Variants in ZNF451 observed in about 807,000 individuals in gnomAD.
ZNF451 encodes the protein E3 SUMO-protein ligase ZNF451.
A neutral mutation model predicts 107.1 loss-of-function variants in ZNF451; 80 were observed. That is an observed-to-expected ratio of 0.75 (90% CI 0.62 to 0.90). The LOEUF (loss-of-function observed/expected upper bound fraction) is 0.90, where lower values mean the gene tolerates loss of function less well. ZNF451 is among the 40% of genes least tolerant of loss of function. ZNF451 has a pLI of 0.00. For missense variants in ZNF451, 1,107 were observed against 1,236.2 expected (o/e 0.90, Z 1.57); for synonymous variants, 362 against 406.5 (o/e 0.89, Z 1.32).
intron 13 of ZNF451, among the ~76,000 whole-genome samples, chr6:57,155,770 A>G (rs140938475): frequency 4.7e-4 from 71 of 151,418 alleles, no homozygotes; most frequent in African/African-American, 1.7e-3. Context: ...CAGGTTATTA[A>G]TATCTGCTGA....
chr6:57,142,031 C>A lies in ZNF451; in HGVS notation c.940C>A (p.Gln314Lys). Residue 314 changes from glutamine (Q) to lysine (K), a missense_variant, in exon 9 of 15, where the codon CAA (glutamine) becomes AAA (lysine). This residue lies in a region of ZNF451 where 339 missense variants were observed against 372.8 expected (regional missense o/e 0.91). Coordinates refer to ENST00000370706, the MANE Select transcript of ZNF451 (RefSeq NM_001031623.3). ...CTCTCTGTGCAAAGATGTTCCCTTTCAAGTTAAGTGTGTGGCCTGCCACAA... is the reference window on the plus strand; with the variant it reads ...CTCTCTGTGCAAAGATGTTCCCTTTAAAGTTAAGTGTGTGGCCTGCCACAA... ...LISLCKDVPF[Q>K]VKCVACHKTL... is the part of the protein sequence containing the mutation. 6.2e-7 allele frequency: 1 copy of A among 1,614,098 alleles called. No individual in the cohort carries two copies. The highest frequency in any genetic ancestry group is 1.3e-5 in the African/African-American group (1 of 75,064).
chr6:57,108,594 T>C, intron 3 of ZNF451: 2 of 985,396 alleles, frequency 2.0e-6, no homozygotes, highest in Non-Finnish European at 2.4e-6. Context: ...TTCAGTAGAA[T>C]ATAGTTATAT....
At chr6:57,160,620 C>T (rs762212573) in intron 13 of ZNF451, among the ~76,000 whole-genome samples, 5 of 152,268 alleles carry the variant, frequency 3.3e-5, no homozygotes, top group Non-Finnish European at 7.4e-5. Context: ...CAGGTGTGAA[C>T]AACCACGCCT....
At chr6:57,121,000 A>C (rs1302003307) in intron 3 of ZNF451, among the ~76,000 whole-genome samples, 1 of 151,946 alleles carries the variant, frequency 6.6e-6, no homozygotes, top group Admixed American at 6.6e-5. Flanking sequence ...ATCTTTTAGG[A>C]GTTTTATAGT....
At chr6:57,105,408 C>T in intron 3 of ZNF451, 1 of 985,188 alleles carries the variant, frequency 1.0e-6, no homozygotes, top group Non-Finnish European at 1.2e-6. Context: ...CTACACTTTT[C>T]TTTAAAACTT....
intron 7 of ZNF451, among the ~76,000 whole-genome samples, chr6:57,140,045 A>G (rs1015376813): frequency 2.6e-5 from 4 of 152,104 alleles, no homozygotes; most frequent in African/African-American, 9.7e-5. Flanking sequence ...AGAAGACTAT[A>G]AACAAAATAG....
At chr6:57,161,643 T>C (rs908876250) in intron 14 of ZNF451, among the ~76,000 whole-genome samples, 9 of 152,206 alleles carry the variant, frequency 5.9e-5, no homozygotes, top group Non-Finnish European at 1.0e-4. Flanking sequence ...CAAGCACTTA[T>C]ATCTAAATAT....
chr6:57,094,437 T>C (rs1417453313), intron 2 of ZNF451, among the ~76,000 whole-genome samples: 1 of 152,134 alleles, frequency 6.6e-6, no homozygotes, highest in African/African-American at 2.4e-5. Flanking sequence ...GCCTTCCGAG[T>C]AGCTGGGACT....
chr6:57,159,095 G>A, intron 13 of ZNF451: 9 of 985,312 alleles, frequency 9.1e-6, no homozygotes, highest in Non-Finnish European at 1.1e-5. Flanking sequence ...GTTTCTTTGG[G>A]CACCATTATA....
intron 14 of ZNF451, among the ~76,000 whole-genome samples, chr6:57,164,468 C>A (rs1763813717): frequency 6.6e-6 from 1 of 152,140 alleles, no homozygotes. Context: ...AGAGGTATGT[C>A]TGTTAACTAG....
intron 8 of ZNF451, 57 bp from the exon 9 acceptor site, chr6:57,141,891 G>A: frequency 6.7e-7 from 1 of 1,487,874 alleles, no homozygotes; most frequent in African/African-American, 1.4e-5. Context: ...GGGGAGGAAG[G>A]TTGGGTTACT....
Position 57,100,860 on chromosome 6 carries a change from A to G in ZNF451, c.186+1719A>G, listed in dbSNP as rs538885829. 1.0e-4 allele frequency: 156 copies of G among 1,549,220 alleles called. 1 individual carries two copies. Among genetic ancestry groups the G allele is most frequent in the Middle Eastern group, 6.7e-4 (4 of 6,002 alleles). ...CACAGAATTTTCAGACTCTGCCTTC[A>G]TCTCCACTTCTGGTCCCCCAAGAAT... On this transcript the variant is annotated intron_variant, in intron 3 of 14. Transcript: ENST00000370706.
chr6:57,107,568 A>C lies in ZNF451; in HGVS notation c.186+8427A>C, dbSNP rs1039430251. On this transcript the variant is annotated intron_variant, in intron 3 of 14. Transcript: ENST00000370706. Reference sequence around the variant, plus strand: ...TCATATGTATCTTATAAAAATTTTGAAGCCCATCCCCATGGATTTATTATA... The same window carrying C: ...TCATATGTATCTTATAAAAATTTTGCAGCCCATCCCCATGGATTTATTATA... 45 of 985,132 alleles carry C rather than the reference A, an allele frequency of 4.6e-5. No homozygotes were observed. The African/African-American group carries it at 7.8e-4, about 17-fold the overall frequency. The allele number at this position is 985,132 out of a possible 1,614,324, so 61.0% of individuals were successfully genotyped here.
At position 57,148,284 on chromosome 6, in the gene ZNF451, C is replaced by T. The variant is rs758197581; in HGVS notation, c.2199C>T (p.Asn733=). 17 of 1,613,906 alleles carry T rather than the reference C, an allele frequency of 1.1e-5. No individual in the cohort carries two copies. The highest frequency in any genetic ancestry group is 7.7e-5 in the South Asian group (7 of 91,058). Residue 733 remains asparagine (N), a synonymous_variant, in exon 10 of 15, where the codon AAC becomes AAT. Transcript: ENST00000370706. ...GTGAGAGTTACATCTGTAAAGTCAACAGAAAAGAAGATTATAGCAGATGTC... is the reference window on the plus strand; with the variant it reads ...GTGAGAGTTACATCTGTAAAGTCAATAGAAAAGAAGATTATAGCAGATGTC... ...GCRESYICKV[N]RKEDYSRCLQ...
chr6:57,144,745 A>G (rs1264820724), intron 9 of ZNF451, among the ~76,000 whole-genome samples: 1 of 152,038 alleles, frequency 6.6e-6, no homozygotes, highest in African/African-American at 2.4e-5. Flanking sequence ...CCTGGCTAAC[A>G]TGGCGAAACC....
rs376889187 is a variant in ZNF451 at position 57,147,223 on chromosome 6, C to T, written c.1138C>T (p.His380Tyr). 17 of 1,613,940 alleles carry T rather than the reference C, an allele frequency of 1.1e-5. No homozygotes were observed. The highest frequency in any genetic ancestry group is 1.4e-5 in the Non-Finnish European group (17 of 1,179,990). The change falls in exon 10 of 15, where the codon CAT becomes TAT. Residue 380 changes from histidine to tyrosine, a missense_variant. By Grantham distance (83) the His-to-Tyr change is moderately conservative. This residue lies in a region of ZNF451 where 608 missense variants were observed against 649.2 expected (regional missense o/e 0.94). Transcript: ENST00000370706. The stretch of plus-strand genomic sequence containing the variant: ...TGTGGATGAAACCAGCACCCAAAAT[C>T]ATAAGCAGAATTCAGGACACAAAGT... The part of the protein sequence containing the change: ...VFVDETSTQN[H>Y]KQNSGHKVRV...
chr6:57,103,205 C>T, intron 3 of ZNF451: 1 of 985,398 alleles, frequency 1.0e-6, no homozygotes, highest in Non-Finnish European at 1.2e-6. Context: ...AAGAGGGATA[C>T]CATCAGTCTA....
intron 7 of ZNF451, among the ~76,000 whole-genome samples, chr6:57,138,268 T>TC (rs1235295201): frequency 1.4e-5 from 2 of 145,578 alleles, no homozygotes; most frequent in East Asian, 3.9e-4. Flanking sequence ...GGTTCTGCCT[T>TC]TTTTTTTTTT....
chr6:57,138,783 ATATAT>A (rs1758650079), intron 7 of ZNF451, among the ~76,000 whole-genome samples: 1 of 97,178 alleles, frequency 1.0e-5, no homozygotes, highest in African/African-American at 3.5e-5. Context: ...GTGTATATAT[ATATAT>A]AAAATTTTTT....
Sources: allele counts gnomAD v4.1 joint callset (sites outside exome capture counted in the v4.1 genomes callset), GRCh38; gene constraint gnomAD v4.1.1; regional missense constraint gnomAD v4.1.1; transcripts MANE v1.5; gene names NCBI Gene and HGNC (gene_info 2026-07-23, HGNC 2026-07-21).